Variants in CCDC148 observed in about 807,000 individuals in gnomAD.
The protein encoded by CCDC148 is coiled-coil domain-containing protein 148.
In CCDC148, 89 loss-of-function variants were observed where a neutral mutation model predicts 85.7. The observed-to-expected ratio is 1.04, with a 90% confidence interval of 0.87 to 1.24. The LOEUF is 1.24. CCDC148 is among the 50% of genes most tolerant of loss of function. CCDC148 has a pLI of 0.00. For missense variants in CCDC148, 692 were observed against 671.7 expected, an observed-to-expected ratio of 1.03 and a Z score of -0.33; for synonymous variants, 230 against 213.9, an observed-to-expected ratio of 1.08 and a Z score of -0.66.
At chr2:158,313,547 G>A (rs1203805357) in intron 8 of CCDC148, among the ~76,000 whole-genome samples, 1 of 152,210 alleles carries the variant, frequency 6.6e-6, no homozygotes, top group Admixed American at 6.5e-5. Context: ...ACTTCTGCCC[G>A]AGGGGGCCCC....
intron 1 of CCDC148, chr2:158,425,052 G>C (rs1040598183): frequency 4.5e-6 from 2 of 447,794 alleles, no homozygotes; most frequent in Non-Finnish European, 9.0e-6. Context: ...GGGCCCTAGG[G>C]GGTCGTGACC....
chr2:158,422,946 A>C (rs928436816), intron 1 of CCDC148, among the ~76,000 whole-genome samples: 1 of 152,182 alleles, frequency 6.6e-6, no homozygotes, highest in Non-Finnish European at 1.5e-5. Context: ...AATAACAAAC[A>C]GAGAGCCAAA....
chr2:158,432,844 T>A (rs772713830), intron 1 of CCDC148, among the ~76,000 whole-genome samples: 6 of 151,654 alleles, frequency 4.0e-5, no homozygotes, highest in African/African-American at 1.2e-4. Context: ...GAGGCCAAGG[T>A]GGGCAGATCA....
rs140979867 is a variant in CCDC148, at chr2:158,276,290, C to T, written c.1111-25378G>A. Among the ~76,000 whole-genome samples the T allele has an allele frequency of 9.7e-3, 1,478 of 152,028 alleles. 19 individuals carry two copies. The highest frequency in any genetic ancestry group is 0.033 in the African/African-American group (1,356 of 41,470). Reference sequence around the variant, plus strand: ...TACTAAAAATACAAAAAAATTTAGCCGGGCCTGGTGGCATGCACCTGTAAT... The same window carrying T: ...TACTAAAAATACAAAAAAATTTAGCTGGGCCTGGTGGCATGCACCTGTAAT... On this transcript the variant is annotated intron_variant, in intron 9 of 13. Coordinates refer to ENST00000283233, the MANE Select transcript of CCDC148 (RefSeq NM_138803.4).
chr2:158,350,557 G>A (rs1317385209), intron 2 of CCDC148, among the ~76,000 whole-genome samples: 1 of 152,070 alleles, frequency 6.6e-6, no homozygotes, highest in African/African-American at 2.4e-5. Flanking sequence ...TCCCAATCAT[G>A]GGAATTTTTC....
chr2:158,434,297 C>G (rs1174053451), intron 1 of CCDC148, among the ~76,000 whole-genome samples: 1 of 152,174 alleles, frequency 6.6e-6, no homozygotes, highest in Admixed American at 6.5e-5. Context: ...CAGGCAGCAA[C>G]ATTTGTCATT....
chr2:158,439,523 G>A (rs1687839586), intron 1 of CCDC148, among the ~76,000 whole-genome samples: 1 of 152,042 alleles, frequency 6.6e-6, no homozygotes, highest in Non-Finnish European at 1.5e-5. Flanking sequence ...TATACCTAAT[G>A]TAAATGATGA....
At chr2:158,322,131 C>G (rs1692548831) in intron 7 of CCDC148, among the ~76,000 whole-genome samples, 1 of 152,116 alleles carries the variant, frequency 6.6e-6, no homozygotes, top group African/African-American at 2.4e-5. Flanking sequence ...TGCCCTTTGA[C>G]TCAGCAGTTC....
chr2:158,340,705 A>G (rs1442900046), intron 3 of CCDC148, 25 bp from the exon 4 acceptor site: 2 of 1,325,032 alleles, frequency 1.5e-6, no homozygotes, highest in Non-Finnish European at 1.1e-6. Context: ...ATCTCAATAA[A>G]TGTTACAATC....
intron 1 of CCDC148, among the ~76,000 whole-genome samples, chr2:158,433,974 G>C (rs113144913): frequency 6.6e-6 from 1 of 152,162 alleles, no homozygotes; most frequent in Non-Finnish European, 1.5e-5. Context: ...CGGCTGGAAA[G>C]CTCCAATTGG....
intron 11 of CCDC148, among the ~76,000 whole-genome samples, chr2:158,200,413 T>G (rs1274727754): frequency 6.6e-6 from 1 of 152,226 alleles, no homozygotes; most frequent in African/African-American, 2.4e-5. Context: ...TGACACACTA[T>G]GACCCTGGGA....
At chr2:158,302,914 G>A (rs915642492) in intron 9 of CCDC148, among the ~76,000 whole-genome samples, 3 of 152,156 alleles carry the variant, frequency 2.0e-5, no homozygotes, top group Admixed American at 1.3e-4. Context: ...AAACTTGGGG[G>A]ATCAAAGAGC....
At chr2:158,379,014 T>C (rs1264924828) in intron 1 of CCDC148, among the ~76,000 whole-genome samples, 1 of 152,134 alleles carries the variant, frequency 6.6e-6, no homozygotes, top group Admixed American at 6.6e-5. Flanking sequence ...AAGAAACACA[T>C]TTCATAAGGC....
At chr2:158,269,908 A>G (rs1181134094) in intron 9 of CCDC148, among the ~76,000 whole-genome samples, 3 of 152,232 alleles carry the variant, frequency 2.0e-5, no homozygotes, top group Non-Finnish European at 2.9e-5. Flanking sequence ...AACAAAGTAG[A>G]AAGTATTTCA....
At chr2:158,284,650 A>G (rs1347665720) in intron 9 of CCDC148, among the ~76,000 whole-genome samples, 1 of 152,224 alleles carries the variant, frequency 6.6e-6, no homozygotes, top group African/African-American at 2.4e-5. Flanking sequence ...TGGACTTTTA[A>G]TGCTTTCAGG....
At chr2:158,303,328 G>A (rs749004912) in intron 9 of CCDC148, among the ~76,000 whole-genome samples, 1 of 152,012 alleles carries the variant, frequency 6.6e-6, no homozygotes, top group African/African-American at 2.4e-5. Flanking sequence ...CTATTATTTT[G>A]TAGAACTCTT....
chr2:158,173,173 A>C (rs566794744), intron 13 of CCDC148, among the ~76,000 whole-genome samples: 1 of 152,106 alleles, frequency 6.6e-6, no homozygotes, highest in Non-Finnish European at 1.5e-5. Context: ...AACTACCCTT[A>C]AAGTCCAACT....
intron 1 of CCDC148, among the ~76,000 whole-genome samples, chr2:158,431,230 C>A (rs1263998862): frequency 1.3e-5 from 2 of 150,884 alleles, no homozygotes; most frequent in Non-Finnish European, 1.5e-5. Context: ...TGAAGAATAC[C>A]AATGAACCAC....
chr2:158,363,126 G>A (rs971242625), intron 1 of CCDC148, among the ~76,000 whole-genome samples: 2 of 152,104 alleles, frequency 1.3e-5, no homozygotes, highest in Non-Finnish European at 1.5e-5. Context: ...GGAAGAAGTC[G>A]AATACCTGAA....
Sources: allele counts gnomAD v4.1 joint callset (sites outside exome capture counted in the v4.1 genomes callset), GRCh38; gene constraint gnomAD v4.1.1; transcripts MANE v1.5; gene names NCBI Gene and HGNC (gene_info 2026-07-23, HGNC 2026-07-21).